The following MYOM2 variants were observed in gnomAD, a reference collection of about 807,000 sequenced individuals.
MYOM2 encodes myomesin 2.
Under a neutral mutation model 187.6 loss-of-function variants are expected in MYOM2, and 254 were observed. That is an observed-to-expected ratio of 1.35 (90% CI 1.22 to 1.50). The LOEUF (loss-of-function observed/expected upper bound fraction) is 1.50, where lower values mean the gene tolerates loss of function less well. Ranked by LOEUF, MYOM2 falls within the 40% of genes most tolerant of loss-of-function variation. MYOM2 has a pLI of 0.00. For synonymous variants in MYOM2, 981 were observed against 753.8 expected, an observed-to-expected ratio of 1.30 and a Z score of -4.94; for missense variants, 2,796 against 1,924.0, an observed-to-expected ratio of 1.45 and a Z score of -8.48.
intron 6 of MYOM2, among the ~76,000 whole-genome samples, chr8:2,068,680 C>T (rs976194578): frequency 2.6e-5 from 4 of 152,232 alleles, no homozygotes; most frequent in Non-Finnish European, 2.9e-5. Context: ...CTCAAGCTCC[C>T]GGACCACCTT....
At chr8:2,071,127 C>T (rs907472643) in intron 8 of MYOM2, among the ~76,000 whole-genome samples, 40 of 152,090 alleles carry the variant, frequency 2.6e-4, no homozygotes, top group South Asian at 2.1e-4. Flanking sequence ...GTCACCAAAC[C>T]CGGCTCGTTT....
At chr8:2,141,236 T>G in intron 34 of MYOM2, 59 bp downstream of exon 34, 1 of 1,496,474 alleles carries the variant, frequency 6.7e-7, no homozygotes, top group African/African-American at 1.4e-5. Flanking sequence ...CCCAGTCGTT[T>G]TGGCTGCATG....
intron 36 of MYOM2, among the ~76,000 whole-genome samples, 184 bp from the exon 37 acceptor site, chr8:2,144,480 T>A (rs1359031052): frequency 1.3e-5 from 2 of 152,202 alleles, no homozygotes; most frequent in Admixed American, 1.3e-4. Flanking sequence ...GTGAACCTGT[T>A]CCCTGCTGTC....
intron 32 of MYOM2, among the ~76,000 whole-genome samples, chr8:2,134,041 G>C (rs779534491): frequency 6.6e-6 from 1 of 152,168 alleles, no homozygotes. Context: ...TTCCCCTGAG[G>C]TTAGTGTATT....
chr8:2,089,404 G>A (rs1563450149), intron 14 of MYOM2, among the ~76,000 whole-genome samples: 1 of 152,128 alleles, frequency 6.6e-6, no homozygotes, highest in Non-Finnish European at 1.5e-5. Flanking sequence ...AGATTTTAAT[G>A]CTCTTGTTGT....
intron 6 of MYOM2, among the ~76,000 whole-genome samples, chr8:2,065,771 G>A (rs1294897532): frequency 6.6e-6 from 1 of 152,200 alleles, no homozygotes; most frequent in Non-Finnish European, 1.5e-5. Flanking sequence ...GGTAGTAGGA[G>A]AAGCTCTGCC....
chr8:2,076,076 A>G, intron 10 of MYOM2, 65 bp from the exon 11 acceptor site: 1 of 1,500,984 alleles, frequency 6.7e-7, no homozygotes, highest in Non-Finnish European at 9.0e-7. Flanking sequence ...GGAGCTGTAA[A>G]CAGGCTTTGC....
chr8:2,094,003 G>A lies in MYOM2; in HGVS notation c.2037G>A (p.Gln679=). ...FVVHGLTTGE[Q]YIFRVKAVNA... The stretch of plus-strand genomic sequence containing the variant: ...TGCACGGCTTAACCACGGGAGAGCA[G>A]TACATCTTCCGAGTCAAGGCGGTCA... Residue 679 remains glutamine, a synonymous_variant, in exon 17 of 37, where the codon CAG becomes CAA. Coordinates refer to ENST00000262113, the MANE Select transcript of MYOM2 (RefSeq NM_003970.4). 2 of 1,614,184 alleles carry A rather than the reference G, an allele frequency of 1.2e-6. No homozygotes were observed. Among genetic ancestry groups the A allele is most frequent in the East Asian group, 2.2e-5 (1 of 44,876 alleles).
chr8:2,089,798 C>G (rs1193711846), intron 14 of MYOM2, among the ~76,000 whole-genome samples: 1 of 152,138 alleles, frequency 6.6e-6, no homozygotes, highest in Non-Finnish European at 1.5e-5. Flanking sequence ...TAAACATGAT[C>G]AACTTTGGGT....
intron 3 of MYOM2, among the ~76,000 whole-genome samples, chr8:2,053,776 T>C (rs1023553309): frequency 1.3e-5 from 2 of 152,238 alleles, no homozygotes; most frequent in African/African-American, 2.4e-5. Context: ...GGACGAAGGC[T>C]AGGCACTTTC....
rs968381 is a variant in MYOM2, at chr8:2,101,041, G to A, written c.2606G>A (p.Ser869Asn). 0.64 allele frequency: 1,030,240 copies of A among 1,613,608 alleles called. 333,859 individuals are homozygous for A. Among genetic ancestry groups the A allele is most frequent in the Admixed American group, 0.71 (42,694 of 59,982 alleles). The change falls in exon 20 of 37, where the codon AGC becomes AAC. Residue 869 changes from serine to asparagine, a missense_variant. By Grantham distance (46) the Ser-to-Asn change is conservative. Transcript: ENST00000262113. ...WITVNQTTTA[S>N]RYLKVSDLQQ... ...ACTGTCAATCAGACGACAACAGCCA[G>A]CCGTTATTTAAAGGTAAGTCTTGGC...
chr8:2,093,821 A>C (rs1271428299), intron 16 of MYOM2, 149 bp from the exon 17 acceptor site: 1 of 938,022 alleles, frequency 1.1e-6, no homozygotes, highest in Non-Finnish European at 1.6e-6. Context: ...CGGACTCTAC[A>C]TGTTGAGCTA....
intron 35 of MYOM2, among the ~76,000 whole-genome samples, chr8:2,143,156 C>G (rs563524160): frequency 1.3e-5 from 2 of 152,276 alleles, no homozygotes; most frequent in East Asian, 1.9e-4. Context: ...TCCCATCTCA[C>G]ATTTCCTCTG....
intron 21 of MYOM2, 53 bp downstream of exon 21, chr8:2,102,834 G>C (rs981923249): frequency 6.3e-6 from 9 of 1,425,420 alleles, no homozygotes. Context: ...GGGAGAGTGT[G>C]CATGTATTAT....
chr8:2,119,159 G>A (rs531712531), intron 28 of MYOM2: 1 of 152,362 alleles, frequency 6.6e-6, no homozygotes, highest in East Asian at 1.9e-4. Context: ...GCAGCAATGG[G>A]AAAGTCATCT....
At chr8:2,045,984 A>G (rs1818299941) in intron 1 of MYOM2, among the ~76,000 whole-genome samples, 2 of 152,260 alleles carry the variant, frequency 1.3e-5, no homozygotes, top group South Asian at 2.1e-4. Context: ...ACTCAAAGAA[A>G]GCGTGGAACA....
At chr8:2,083,104 G>A (rs536123170) in intron 13 of MYOM2, among the ~76,000 whole-genome samples, 1 of 152,308 alleles carries the variant, frequency 6.6e-6, no homozygotes, top group South Asian at 2.1e-4. Context: ...GATATTGAAT[G>A]TGAAAGCATT....
At chr8:2,089,458 A>C (rs1025797) in intron 14 of MYOM2, among the ~76,000 whole-genome samples, 111,136 of 152,142 alleles carry the variant, frequency 0.73, 43,171 homozygotes, top group South Asian at 0.91. Context: ...AAAATAACAT[A>C]ATTCCTCTTA....
At chr8:2,131,152 G>A (rs1797852512) in intron 32 of MYOM2, among the ~76,000 whole-genome samples, 1 of 152,216 alleles carries the variant, frequency 6.6e-6, no homozygotes, top group South Asian at 2.1e-4. Flanking sequence ...CCCTGTGGAT[G>A]TGTGTGACCA....
Sources: allele counts gnomAD v4.1 joint callset (sites outside exome capture counted in the v4.1 genomes callset), GRCh38; gene constraint gnomAD v4.1.1; transcripts MANE v1.5; gene names NCBI Gene and HGNC (gene_info 2026-07-23, HGNC 2026-07-21).